Variants in CACNA1C observed in about 807,000 individuals in gnomAD.
The protein encoded by CACNA1C is calcium voltage-gated channel subunit alpha1 C.
In CACNA1C, 30 loss-of-function variants were observed where a neutral mutation model predicts 229.0. The observed-to-expected ratio is 0.13, with a 90% confidence interval of 0.10 to 0.18. The LOEUF is 0.18. CACNA1C is among the 10% of genes least tolerant of loss of function. The pLI, the probability that CACNA1C is intolerant of heterozygous loss-of-function variation, is 1.00. For missense variants in CACNA1C, 1,658 were observed against 2,845.0 expected, an observed-to-expected ratio of 0.58 and a Z score of 9.49; for synonymous variants, 1,114 against 1,132.5, an observed-to-expected ratio of 0.98 and a Z score of 0.33.
intron 3 of CACNA1C, among the ~76,000 whole-genome samples, chr12:2,318,560 C>G (rs373292366): frequency 6.6e-6 from 1 of 152,244 alleles, no homozygotes; most frequent in African/African-American, 2.4e-5. Flanking sequence ...GCATATGGCT[C>G]CTGCCCTCAA....
chr12:2,690,787 C>T, intron 46 of CACNA1C, 113 bp from the exon 47 acceptor site: 4 of 1,054,290 alleles, frequency 3.8e-6, no homozygotes, highest in Non-Finnish European at 4.1e-6. Flanking sequence ...CACACACGCA[C>T]ACTTCCCCAA....
chr12:2,447,645 T>A (rs945212129), intron 3 of CACNA1C, among the ~76,000 whole-genome samples: 3 of 152,196 alleles, frequency 2.0e-5, no homozygotes, highest in African/African-American at 7.2e-5. Flanking sequence ...AGGGTACTGA[T>A]ATGGCCTGAT....
chr12:2,005,082 A>G (rs2043138282), intron 1 of CACNA1C, among the ~76,000 whole-genome samples: 1 of 152,096 alleles, frequency 6.6e-6, no homozygotes. Context: ...CAATCAAGGC[A>G]GGGGCACCAA....
intron 3 of CACNA1C, among the ~76,000 whole-genome samples, chr12:2,196,446 A>G (rs892202361): frequency 6.6e-6 from 1 of 152,244 alleles, no homozygotes; most frequent in African/African-American, 2.4e-5. Flanking sequence ...GAAGTAATTT[A>G]TAGATGATTC....
chr12:2,317,917 C>T (rs537692228), intron 3 of CACNA1C, among the ~76,000 whole-genome samples: 6 of 152,306 alleles, frequency 3.9e-5, no homozygotes, highest in African/African-American at 1.2e-4. Flanking sequence ...GTGGCTTGAT[C>T]TCATCCTAAG....
At chr12:2,422,040 A>C (rs1243800664) in intron 3 of CACNA1C, among the ~76,000 whole-genome samples, 1 of 152,196 alleles carries the variant, frequency 6.6e-6, no homozygotes, top group Non-Finnish European at 1.5e-5. Context: ...ACTTGGTTAG[A>C]CTTTAATTTT....
chr12:2,254,604 C>G (rs74642400), intron 3 of CACNA1C, among the ~76,000 whole-genome samples: 5 of 152,146 alleles, frequency 3.3e-5, no homozygotes, highest in African/African-American at 1.2e-4. Context: ...CCAGGCTTCC[C>G]CTTCCTACTG....
rs542546184 is a variant in CACNA1C, at chr12:2,613,191, A to G, written c.3828+1178A>G. On this transcript the variant is annotated intron_variant, in intron 29 of 46. Transcript: ENST00000399655. The stretch of plus-strand genomic sequence containing the variant: ...GAATGAATATTCACTCACACTTTGG[A>G]TTCCATATCATGTGCTACATGTATA... 4.6e-5 allele frequency: 7 copies of G among 152,312 alleles called. No homozygotes were observed. The East Asian group carries it at 1.4e-3, about 29-fold the overall frequency. 9.4% of individuals were successfully genotyped at this position (152,312 alleles called of 1,614,324 possible). A position where few individuals can be genotyped will look rare whatever the true frequency, so the allele number is the denominator to read the frequency against.
intron 1 of CACNA1C, among the ~76,000 whole-genome samples, chr12:2,026,647 A>G (rs1047231079): frequency 6.6e-5 from 10 of 152,184 alleles, no homozygotes; most frequent in Admixed American, 6.6e-5. Context: ...TTCAATAAAT[A>G]TTGGCTTTTT....
intron 3 of CACNA1C, among the ~76,000 whole-genome samples, chr12:2,239,987 A>G (rs1318636099): frequency 6.6e-6 from 1 of 152,252 alleles, no homozygotes; most frequent in Non-Finnish European, 1.5e-5. Context: ...TTAAAAAGTG[A>G]TTTGTGAAGA....
At chr12:2,568,915 A>G (rs1185459344) in intron 13 of CACNA1C, among the ~76,000 whole-genome samples, 1 of 152,234 alleles carries the variant, frequency 6.6e-6, no homozygotes, top group African/African-American at 2.4e-5. Flanking sequence ...GTGTATTTTA[A>G]CACAGTGAAA....
intron 9 of CACNA1C, among the ~76,000 whole-genome samples, chr12:2,527,629 C>A (rs1318819805): frequency 2.0e-5 from 3 of 152,202 alleles, no homozygotes; most frequent in Non-Finnish European, 4.4e-5. Flanking sequence ...TTAAGGACTC[C>A]TTTCTTGTCA....
chr12:2,379,373 T>C (rs1380636296), intron 3 of CACNA1C, among the ~76,000 whole-genome samples: 1 of 152,250 alleles, frequency 6.6e-6, no homozygotes, highest in African/African-American at 2.4e-5. Flanking sequence ...TAACCGTTCA[T>C]ATCCCTTTAT....
At chr12:2,013,124 G>A (rs145596315) in intron 1 of CACNA1C, among the ~76,000 whole-genome samples, 49 of 152,244 alleles carry the variant, frequency 3.2e-4, no homozygotes, top group African/African-American at 7.9e-4. Flanking sequence ...AAAGAAACCC[G>A]TCTCAATCTC....
intron 4 of CACNA1C, among the ~76,000 whole-genome samples, chr12:2,450,616 A>T (rs2099360832): frequency 1.4e-5 from 2 of 147,992 alleles, no homozygotes; most frequent in African/African-American, 5.0e-5. Context: ...TCTGTCTTGT[A>T]ATAGGAGGGA....
chr12:2,222,049 G>C (rs1415360768), intron 3 of CACNA1C, among the ~76,000 whole-genome samples: 1 of 152,204 alleles, frequency 6.6e-6, no homozygotes, highest in Non-Finnish European at 1.5e-5. Context: ...GTATACATTA[G>C]AGTGTTAATG....
intron 3 of CACNA1C, among the ~76,000 whole-genome samples, chr12:2,172,716 C>T (rs575766922): frequency 3.3e-5 from 5 of 152,226 alleles, no homozygotes; most frequent in East Asian, 1.9e-4. Context: ...ATTAGGGAAA[C>T]GGGATTATCT....
At chr12:2,050,152 T>C (rs943093956), upstream of CACNA1C, among the ~76,000 whole-genome samples, 1 of 152,152 alleles carries the variant, frequency 6.6e-6, no homozygotes, top group African/African-American at 2.4e-5. Flanking sequence ...TTGCAATCAT[T>C]TCACCCTGTT....
In CACNA1C at chr12:2,403,638, G is replaced by T. The variant is rs1488572316; in HGVS notation, c.478-45338G>T. On this transcript the variant is annotated intron_variant, in intron 3 of 46. Coordinates refer to ENST00000399655, the MANE Select transcript of CACNA1C (RefSeq NM_000719.7). The surrounding 1 kb of genome is among the most constrained non-coding windows in gnomAD (Gnocchi z 4.1). ...ATTTATAGATGCATTGACACTATATGATTAGGAAAGTACAGTAAATAACAG... is the reference window on the plus strand; with the variant it reads ...ATTTATAGATGCATTGACACTATATTATTAGGAAAGTACAGTAAATAACAG... Among the ~76,000 whole-genome samples the T allele has an allele frequency of 1.4e-5, 2 of 144,678 alleles. No homozygotes were observed. Among genetic ancestry groups the T allele is most frequent in the Non-Finnish European group, 3.0e-5 (2 of 66,372 alleles). The allele number at this position is 144,678 out of a possible 152,430, so 94.9% of individuals were successfully genotyped here.
Sources: allele counts gnomAD v4.1 joint callset (sites outside exome capture counted in the v4.1 genomes callset), GRCh38; gene constraint gnomAD v4.1.1; non-coding constraint Gnocchi (gnomAD v3.1); transcripts MANE v1.5; gene names NCBI Gene and HGNC (gene_info 2026-07-23, HGNC 2026-07-21).